MACC1: variants seen among roughly 807,000 people sequenced by gnomAD.
MACC1 encodes metastasis-associated in colon cancer protein 1.
In MACC1, 79 loss-of-function variants were observed where a neutral mutation model predicts 70.7. The observed-to-expected ratio is 1.12, with a 90% confidence interval of 0.93 to 1.35. The LOEUF (loss-of-function observed/expected upper bound fraction) is 1.35. Ranked by LOEUF, MACC1 falls within the 40% of genes most tolerant of loss-of-function variation. The pLI, the probability that MACC1 is intolerant of heterozygous loss-of-function variation, is 0.00. For synonymous variants in MACC1, 361 were observed against 347.2 expected, an observed-to-expected ratio of 1.04 and a Z score of -0.44; for missense variants, 1,106 against 978.1, an observed-to-expected ratio of 1.13 and a Z score of -1.74.
At chr7:20,145,612 A>T (rs1263640061) in intron 6 of MACC1, among the ~76,000 whole-genome samples, 1 of 152,172 alleles carries the variant, frequency 6.6e-6, no homozygotes, top group African/African-American at 2.4e-5. Flanking sequence ...GCTTTGCCAT[A>T]TGGAGAACTT....
Position 20,158,767 on chromosome 7 carries a change from A to G in MACC1, c.1594T>C (p.Leu532=). 1 of 1,614,052 alleles carries G rather than the reference A, an allele frequency of 6.2e-7. No individual in the cohort carries two copies. The highest frequency in any genetic ancestry group is 8.5e-7 in the Non-Finnish European group (1 of 1,180,002). The change falls in exon 5 of 7, where the codon TTA becomes CTA. Residue 532 remains leucine (L), a synonymous_variant. Coordinates refer to ENST00000400331, the MANE Select transcript of MACC1 (RefSeq NM_182762.4). The part of the protein sequence containing the change: ...QKKEEIKSAP[L]SPKILVKYPT... ...TATTTAACAAGAATTTTTGGTGATA[A>G]AGGAGCAGACTTGATTTCCTCCTTC...
In MACC1 at chr7:20,145,649, C is replaced by A. The variant is rs1174643834; in HGVS notation, c.2347-4491G>T. Among the ~76,000 whole-genome samples, 7 of 152,126 alleles carry A rather than the reference C, an allele frequency of 4.6e-5. No homozygotes were observed. In the East Asian group the frequency reaches 1.4e-3, roughly 29 times the overall value. ...AGGTTAATGAGGCTTAAAGAGGTAG[C>A]ATATATAAAGCACCCAAGAAGAAAG... On this transcript the variant is annotated intron_variant, in intron 6 of 6. Transcript: ENST00000400331.
rs1185563828 is a variant in MACC1 at position 20,141,159 on chromosome 7, C to A, written c.2347-1G>T. On this transcript the variant is annotated splice_acceptor_variant, in intron 6 of 6. Transcript: ENST00000400331. LOFTEE classifies it high-confidence loss of function. ...AATCATAGGCAGGTTTCCACATCATCTATAAAGAAAAAAAATAGATTGGAG... is the reference window on the plus strand; with the variant it reads ...AATCATAGGCAGGTTTCCACATCATATATAAAGAAAAAAAATAGATTGGAG... 14 of 1,563,080 alleles carry A rather than the reference C, an allele frequency of 9.0e-6. No individual in the cohort carries two copies. The Admixed American group carries it at 9.8e-5, about 11-fold the overall frequency.
At chr7:20,168,053 C>A (rs549173718) in intron 2 of MACC1, among the ~76,000 whole-genome samples, 80 of 152,292 alleles carry the variant, frequency 5.3e-4, no homozygotes, top group African/African-American at 1.6e-3. Context: ...GCTCATCTTA[C>A]AGATGATGAA....
chr7:20,137,021 A>T lies in MACC1; in HGVS notation c.*3925T>A, dbSNP rs1781728250. 1.3e-5 allele frequency: 2 copies of T among 150,900 alleles called. No individual in the cohort carries two copies. The highest frequency in any genetic ancestry group is 4.8e-5 in the African/African-American group (2 of 41,286). The allele number at this position is 150,900 out of a possible 1,614,324, so 9.3% of individuals were successfully genotyped here. The stretch of plus-strand genomic sequence containing the variant: ...ATTAAGATTATTATTGTGAATAAGA[A>T]GAAAAATGATCTAATTTAATGTAAA... On this transcript the variant is annotated 3_prime_UTR_variant, in exon 7 of 7. Coordinates refer to ENST00000400331, the MANE Select transcript of MACC1 (RefSeq NM_182762.4).
intron 5 of MACC1, among the ~76,000 whole-genome samples, chr7:20,155,949 A>G (rs1039415948): frequency 1.3e-5 from 2 of 152,244 alleles, no homozygotes; most frequent in Non-Finnish European, 2.9e-5. Context: ...AAGACTTTAC[A>G]TGCATCACAC....
intron 1 of MACC1, among the ~76,000 whole-genome samples, chr7:20,208,193 C>T (rs904799645): frequency 1.3e-5 from 2 of 152,126 alleles, no homozygotes; most frequent in African/African-American, 4.8e-5. Flanking sequence ...TTCATAGAAG[C>T]GTAAACATGG....
At chr7:20,196,017 C>A (rs930557517) in intron 1 of MACC1, among the ~76,000 whole-genome samples, 1 of 151,872 alleles carries the variant, frequency 6.6e-6, no homozygotes, top group Non-Finnish European at 1.5e-5. Flanking sequence ...TGTAACAAAG[C>A]GTTTCTGACC....
rs962707903 is a variant in MACC1 at position 20,138,532 on chromosome 7, T to C, written c.*2414A>G. 11 of 152,112 alleles carry C rather than the reference T, an allele frequency of 7.2e-5. No homozygotes were observed. Among genetic ancestry groups the C allele is most frequent in the Admixed American group, 5.9e-4 (9 of 15,282 alleles). 9.4% of individuals were successfully genotyped at this position (152,112 alleles called of 1,614,324 possible). On this transcript the variant is annotated 3_prime_UTR_variant, in exon 7 of 7. Coordinates refer to ENST00000400331, the MANE Select transcript of MACC1 (RefSeq NM_182762.4). ...AAAATCACCACAAAAAAGGACTGTGTTCTGAAAGTAAAAACTGTGCTTTTT... is the reference window on the plus strand; with the variant it reads ...AAAATCACCACAAAAAAGGACTGTGCTCTGAAAGTAAAAACTGTGCTTTTT...
Position 20,195,187 on chromosome 7 carries a change from A to G in MACC1, c.-218+22112T>C, listed in dbSNP as rs150122395. Among the ~76,000 whole-genome samples the G allele has an allele frequency of 4.0e-4, 61 of 152,142 alleles. 3 individuals carry two copies. The highest frequency in any genetic ancestry group is 1.1e-3 in the African/African-American group (44 of 41,474). ...GGTTTTGTGTGCAGTAAGTTCTCAC[A>G]TCTCTGATTTTTCTTGTTTGTTTGT... On this transcript the variant is annotated intron_variant, in intron 1 of 6. Coordinates refer to ENST00000400331, the MANE Select transcript of MACC1 (RefSeq NM_182762.4).
Position 20,138,152 on chromosome 7 carries a change from C to CAAAAAAAAAAAAAAAAAAAAA in MACC1, c.*2773_*2793dup, listed in dbSNP as rs535703374. 6 of 67,878 alleles carry CAAAAAAAAAAAAAAAAAAAAA rather than the reference C, an allele frequency of 8.8e-5. No homozygotes were observed. Among genetic ancestry groups the CAAAAAAAAAAAAAAAAAAAAA allele is most frequent in the African/African-American group, 2.7e-4 (6 of 22,196 alleles). The allele number at this position is 67,878 out of a possible 1,614,324, so 4.2% of individuals were successfully genotyped here. On this transcript the variant is annotated 3_prime_UTR_variant, in exon 7 of 7. Transcript: ENST00000400331. ...TGGGCAACAGAGCCAGACTCTGGCTCAAAAAAAAAAAAAAAAAAAAAAAAA... is the reference window on the plus strand; with the variant it reads ...TGGGCAACAGAGCCAGACTCTGGCTCAAAAAAAAAAAAAAAAAAAAAAAAAAAAAAAAAAAAAAAAAAAAAA...
chr7:20,198,533 T>G (rs1051880378), intron 1 of MACC1: 1 of 152,198 alleles, frequency 6.6e-6, no homozygotes, highest in African/African-American at 2.4e-5. Context: ...ACCAGACAAG[T>G]AAACATTTTG....
At chr7:20,211,606 A>C (rs1782997218) in intron 1 of MACC1, among the ~76,000 whole-genome samples, 2 of 152,230 alleles carry the variant, frequency 1.3e-5, no homozygotes, top group African/African-American at 4.8e-5. Context: ...TTATTTGATT[A>C]GAACATTTGA....
At chr7:20,173,996 G>A in intron 1 of MACC1, among the ~76,000 whole-genome samples, 1 of 152,192 alleles carries the variant, frequency 6.6e-6, no homozygotes, top group Admixed American at 6.5e-5. Context: ...TGGTTTCAAA[G>A]AAGTAGGTAA....
At chr7:20,181,764 A>G (rs1396399306) in intron 1 of MACC1, among the ~76,000 whole-genome samples, 3 of 152,166 alleles carry the variant, frequency 2.0e-5, no homozygotes, top group Non-Finnish European at 4.4e-5. Context: ...CACAGTAACC[A>G]AAGGGCTCAT....
rs1269923314 is a variant in MACC1 at position 20,159,189 on chromosome 7, C to T, written c.1172G>A (p.Cys391Tyr). The change falls in exon 5 of 7, where the codon TGT (cysteine) becomes TAT (tyrosine). Residue 391 changes from cysteine to tyrosine, a missense_variant. Physicochemically the swap from Cys to Tyr is radical, Grantham distance 194 (BLOSUM62 -2). Coordinates refer to ENST00000400331, the MANE Select transcript of MACC1 (RefSeq NM_182762.4). ...CTGTCCTGGCATATAATTGTGTCCA[C>T]AAACTGTTAAAACAACAGTAAAACT... ...HPSFTVVLTVCGHNYMPGQLT... is the reference protein window; with the variant it reads ...HPSFTVVLTVYGHNYMPGQLT... 6 of 1,613,878 alleles carry T rather than the reference C, an allele frequency of 3.7e-6. No individual in the cohort carries two copies. In the African/African-American group the frequency reaches 8.0e-5, roughly 22 times the overall value.
intron 2 of MACC1, among the ~76,000 whole-genome samples, chr7:20,164,685 G>C (rs1484051883): frequency 6.6e-6 from 1 of 152,120 alleles, no homozygotes; most frequent in African/African-American, 2.4e-5. Flanking sequence ...AAATGCTGTG[G>C]TTGATTTTAC....
At chr7:20,216,176 T>A (rs1245497563) in intron 1 of MACC1, among the ~76,000 whole-genome samples, 2 of 152,074 alleles carry the variant, frequency 1.3e-5, no homozygotes, top group African/African-American at 4.8e-5. Flanking sequence ...AAACCAGACA[T>A]TAACATAGAT....
intron 1 of MACC1, among the ~76,000 whole-genome samples, chr7:20,215,160 T>A (rs1469460382): frequency 6.6e-6 from 1 of 152,144 alleles, no homozygotes; most frequent in Non-Finnish European, 1.5e-5. Flanking sequence ...TTTGAAGGTG[T>A]CTTTTTAATC....
Sources: gnomAD v4.1 joint callset for allele counts (sites outside exome capture counted in the v4.1 genomes callset) on GRCh38, gnomAD v4.1.1 for gene constraint, MANE v1.5 for transcripts, NCBI Gene and HGNC (gene_info 2026-07-23, HGNC 2026-07-21) for gene names.